Variants in PRKN observed in about 807,000 individuals in gnomAD.
PRKN encodes parkin RBR E3 ubiquitin protein ligase.
In PRKN, 56 loss-of-function variants were observed where a neutral mutation model predicts 59.5. The observed-to-expected ratio is 0.94, with a 90% CI of 0.76 to 1.18. The LOEUF (loss-of-function observed/expected upper bound fraction) is 1.18, where lower values mean the gene tolerates loss of function less well. PRKN is among the 50% of genes most tolerant of loss of function. The pLI, the probability that PRKN is intolerant of heterozygous loss-of-function variation, is 0.00. For missense variants in PRKN, 657 were observed against 596.4 expected, an observed-to-expected ratio of 1.10 and a Z score of -1.06; for synonymous variants, 250 against 222.1, an observed-to-expected ratio of 1.13 and a Z score of -1.12.
At chr6:162,514,035 G>C (rs150159654) in intron 1 of PRKN, among the ~76,000 whole-genome samples, 1 of 151,634 alleles carries the variant, frequency 6.6e-6, no homozygotes, top group African/African-American at 2.4e-5. Context: ...GACACAGCGA[G>C]ACTCCATCTC....
intron 2 of PRKN, among the ~76,000 whole-genome samples, chr6:162,393,287 G>A (rs1166208705): frequency 6.6e-6 from 1 of 150,384 alleles, no homozygotes; most frequent in East Asian, 2.0e-4. Flanking sequence ...AGTCCCCTGA[G>A]TGGCTGGGAT....
intron 10 of PRKN, among the ~76,000 whole-genome samples, chr6:161,381,742 A>C (rs959263916): frequency 3.9e-5 from 6 of 152,148 alleles, no homozygotes; most frequent in Non-Finnish European, 8.8e-5. Flanking sequence ...TTCAACAAAC[A>C]CTTAATGAGC....
At chr6:161,866,692 T>C (rs1794124847) in intron 6 of PRKN, among the ~76,000 whole-genome samples, 1 of 152,180 alleles carries the variant, frequency 6.6e-6, no homozygotes, top group Non-Finnish European at 1.5e-5. Context: ...GCCACAAACC[T>C]TCAATCTGTA....
intron 5 of PRKN, among the ~76,000 whole-genome samples, chr6:161,984,170 G>A (rs561261429): frequency 6.6e-6 from 1 of 152,270 alleles, no homozygotes; most frequent in South Asian, 2.1e-4. Flanking sequence ...AGGAAAAAGT[G>A]ATGAGAGAAA....
intron 4 of PRKN, among the ~76,000 whole-genome samples, chr6:162,101,379 A>C (rs1436155593): frequency 6.6e-6 from 1 of 151,532 alleles, no homozygotes; most frequent in East Asian, 2.0e-4. Flanking sequence ...TCAAAAACCA[A>C]TTGACTGGGC....
chr6:162,501,499 C>T (rs2128187995), intron 1 of PRKN, among the ~76,000 whole-genome samples: 1 of 149,992 alleles, frequency 6.7e-6, no homozygotes, highest in Admixed American at 6.7e-5. Context: ...AGGCATGTGC[C>T]ACCACGCCTG....
chr6:161,598,480 T>C (rs1393604210), intron 7 of PRKN, among the ~76,000 whole-genome samples: 3 of 152,240 alleles, frequency 2.0e-5, no homozygotes, highest in African/African-American at 7.2e-5. Flanking sequence ...TAAGCATTCA[T>C]TCTGCATTTA....
chr6:162,452,353 G>T (rs1265806708), intron 1 of PRKN, among the ~76,000 whole-genome samples: 2 of 152,038 alleles, frequency 1.3e-5, no homozygotes, highest in African/African-American at 4.8e-5. Flanking sequence ...TAATTAGGTA[G>T]GAATTTTTTT....
chr6:162,221,506 A>C (rs534069931), intron 3 of PRKN, among the ~76,000 whole-genome samples: 4 of 152,278 alleles, frequency 2.6e-5, no homozygotes, highest in Admixed American at 6.5e-5. Flanking sequence ...CATAGACTTC[A>C]ATTAAATTTG....
intron 5 of PRKN, among the ~76,000 whole-genome samples, chr6:162,044,445 G>T (rs894490487): frequency 6.6e-6 from 1 of 152,194 alleles, no homozygotes; most frequent in Non-Finnish European, 1.5e-5. Context: ...ATCAAGTCTA[G>T]CTCAGCCTCT....
rs1350274089 is a variant in PRKN, at chr6:161,456,164, T to C, written c.1084-69287A>G. On this transcript the variant is annotated intron_variant, in intron 9 of 11. Transcript: ENST00000366898. The surrounding 1 kb of genome is among the most constrained non-coding windows in gnomAD (Gnocchi z 4.8). ...TCTGTGAGGGTGTTGCCAAAGGAGA[T>C]TAACATTTGAGTCAGTGGGACTGGG... Among the ~76,000 whole-genome samples, 1 of 152,030 alleles carries C rather than the reference T, an allele frequency of 6.6e-6. No homozygotes were observed. Among genetic ancestry groups the C allele is most frequent in the Non-Finnish European group, 1.5e-5 (1 of 68,008 alleles).
intron 7 of PRKN, among the ~76,000 whole-genome samples, chr6:161,733,785 T>C (rs188928097): frequency 2.9e-5 from 2 of 69,902 alleles, no homozygotes; most frequent in Non-Finnish European, 4.7e-5. Context: ...AAAAAAAAAA[T>C]ATATATATAT....
chr6:162,036,493 C>T (rs1582934073), intron 5 of PRKN, among the ~76,000 whole-genome samples: 1 of 151,670 alleles, frequency 6.6e-6, no homozygotes, highest in Non-Finnish European at 1.5e-5. Flanking sequence ...GATTCTCCTG[C>T]CTCACCCTCC....
At chr6:162,345,086 C>T (rs1784340647) in intron 2 of PRKN, among the ~76,000 whole-genome samples, 1 of 152,166 alleles carries the variant, frequency 6.6e-6, no homozygotes, top group Non-Finnish European at 1.5e-5. Context: ...TGAGTTCATC[C>T]CCAGGCCCCA....
intron 9 of PRKN, among the ~76,000 whole-genome samples, chr6:161,478,154 G>C (rs934212854): frequency 6.6e-6 from 1 of 152,136 alleles, no homozygotes; most frequent in Admixed American, 6.5e-5. Flanking sequence ...ATGATTTATT[G>C]TTCATCTGAA....
In PRKN at chr6:161,399,461, C is replaced by G. The variant is rs1786924499; in HGVS notation, c.1084-12584G>C. Among the ~76,000 whole-genome samples, 1 of 152,218 alleles carries G rather than the reference C, an allele frequency of 6.6e-6. No individual in the cohort carries two copies. The highest frequency in any genetic ancestry group is 2.1e-4 in the South Asian group (1 of 4,828). On this transcript the variant is annotated intron_variant, in intron 9 of 11. Coordinates refer to ENST00000366898, the MANE Select transcript of PRKN (RefSeq NM_004562.3). The surrounding 1 kb of genome is among the most constrained non-coding windows in gnomAD (Gnocchi z 4.4). Reference sequence around the variant, plus strand: ...AGTCACAGGCACCCATCCCTAGACACTACTGTGGGGCCAGAGCCCAGAAGT... The same window carrying G: ...AGTCACAGGCACCCATCCCTAGACAGTACTGTGGGGCCAGAGCCCAGAAGT...
chr6:162,385,242 G>T (rs1583478187), intron 2 of PRKN, among the ~76,000 whole-genome samples: 2 of 152,118 alleles, frequency 1.3e-5, no homozygotes, highest in Non-Finnish European at 2.9e-5. Flanking sequence ...AGGTTTGCAT[G>T]CCACTTCACC....
At chr6:161,683,249 T>C (rs1391426194) in intron 7 of PRKN, among the ~76,000 whole-genome samples, 2 of 152,162 alleles carry the variant, frequency 1.3e-5, no homozygotes, top group African/African-American at 4.8e-5. Context: ...GTCGGGATGC[T>C]GACAGCAGCC....
At chr6:162,607,012 C>A (rs147123120) in intron 1 of PRKN, among the ~76,000 whole-genome samples, 2 of 152,108 alleles carry the variant, frequency 1.3e-5, no homozygotes, top group African/African-American at 2.4e-5. Flanking sequence ...GGTGCCCAGC[C>A]CGGTTATTTA....
Sources: gnomAD v4.1 joint callset for allele counts (sites outside exome capture counted in the v4.1 genomes callset) on GRCh38, gnomAD v4.1.1 for gene constraint, Gnocchi (gnomAD v3.1) non-coding constraint, MANE v1.5 for transcripts, NCBI Gene and HGNC (gene_info 2026-07-23, HGNC 2026-07-21) for gene names.